SGPL1: variants seen among roughly 807,000 people sequenced by gnomAD.
The protein encoded by SGPL1 is sphingosine-1-phosphate lyase 1, also known as SP-lyase 1.
A neutral mutation model predicts 68.9 loss-of-function variants in SGPL1; 37 were observed. That is an observed-to-expected ratio of 0.54 (90% CI 0.41 to 0.71). The LOEUF is 0.71. SGPL1 is among the 30% of genes least tolerant of loss of function. The pLI is 0.00. For synonymous variants in SGPL1, 236 were observed against 248.5 expected (o/e 0.95, Z 0.47); for missense variants, 551 against 704.6 (o/e 0.78, Z 2.47).
chr10:70,863,146 C>A (rs751219534), intron 7 of SGPL1, among the ~76,000 whole-genome samples: 1 of 152,014 alleles, frequency 6.6e-6, no homozygotes, highest in Non-Finnish European at 1.5e-5. Flanking sequence ...ACCACCATGC[C>A]TCGCTAATTT....
At chr10:70,837,823 G>A (rs1441003944) in intron 2 of SGPL1, among the ~76,000 whole-genome samples, 6 of 152,154 alleles carry the variant, frequency 3.9e-5, no homozygotes, top group South Asian at 2.1e-4. Context: ...TATTTGGCTC[G>A]TGGTTCTAGA....
At position 70,859,388 on chromosome 10, in the gene SGPL1, A is replaced by G. The variant is rs114726986; in HGVS notation, c.504A>G (p.Ala168=). ...TTTTGCAGGCTTATGGAGATTTTGC[A>G]TGGAGTAACCCCCTGCATCCAGATA... ...ELLVKAYGDF[A]WSNPLHPDIF... is the part of the protein sequence containing the mutation. The change falls in exon 7 of 15, where the codon GCA becomes GCG. Residue 168 remains alanine, a synonymous_variant. Transcript: ENST00000373202. 7.0e-5 allele frequency: 107 copies of G among 1,521,616 alleles called. No individual in the cohort carries two copies. The South Asian group carries it at 8.7e-4, about 12-fold the overall frequency. 94.3% of individuals were successfully genotyped at this position (1,521,616 alleles called of 1,614,324 possible).
At chr10:70,816,412 G>T (rs1845229000) in intron 1 of SGPL1, among the ~76,000 whole-genome samples, 1 of 152,126 alleles carries the variant, frequency 6.6e-6, no homozygotes, top group Non-Finnish European at 1.5e-5. Context: ...GACGGGAGGG[G>T]TGACAACGAG....
chr10:70,862,588 C>T (rs1005606983), intron 7 of SGPL1, among the ~76,000 whole-genome samples: 1 of 152,154 alleles, frequency 6.6e-6, no homozygotes, highest in Admixed American at 6.5e-5. Flanking sequence ...GTCCACGCTG[C>T]TTTTATGAGC....
chr10:70,864,209 C>A (rs1429807159), intron 7 of SGPL1, among the ~76,000 whole-genome samples: 2 of 152,082 alleles, frequency 1.3e-5, no homozygotes, highest in African/African-American at 4.8e-5. Context: ...TTGAAAGCCC[C>A]TTTCTCCCTG....
chr10:70,817,750 G>A (rs1267214078), intron 2 of SGPL1, among the ~76,000 whole-genome samples: 6 of 152,154 alleles, frequency 3.9e-5, no homozygotes, highest in African/African-American at 1.4e-4. Flanking sequence ...ATGGTTCCTC[G>A]ACAGGCAGAT....
At chr10:70,827,360 C>T (rs1845455398) in intron 2 of SGPL1, among the ~76,000 whole-genome samples, 4 of 152,180 alleles carry the variant, frequency 2.6e-5, no homozygotes, top group Admixed American at 1.3e-4. Context: ...AGTTATTTCT[C>T]CTTTTTAGTT....
At chr10:70,838,277 G>C (rs745323491) in intron 2 of SGPL1, among the ~76,000 whole-genome samples, 27 of 152,176 alleles carry the variant, frequency 1.8e-4, no homozygotes, top group Admixed American at 3.9e-4. Context: ...GAAGTAATTT[G>C]ATAAGGAAAA....
At chr10:70,818,721 G>C (rs1414832573) in intron 2 of SGPL1, among the ~76,000 whole-genome samples, 2 of 152,104 alleles carry the variant, frequency 1.3e-5, no homozygotes, top group African/African-American at 4.8e-5. Flanking sequence ...TGAATACTTA[G>C]GTTATCCGCA....
intron 8 of SGPL1, among the ~76,000 whole-genome samples, chr10:70,868,826 T>A (rs1846240971): frequency 6.6e-6 from 1 of 152,214 alleles, no homozygotes; most frequent in Admixed American, 6.5e-5. Flanking sequence ...TACTTAATAT[T>A]ATAGGCTGCC....
chr10:70,876,124 G>C (rs2131951803), intron 13 of SGPL1, among the ~76,000 whole-genome samples: 1 of 152,214 alleles, frequency 6.6e-6, no homozygotes, highest in Admixed American at 6.5e-5. Context: ...AATTCCTCCA[G>C]GGCGAGGTAG....
rs1131692252 is a variant in SGPL1, at chr10:70,877,258, GTCT to G, written c.1635_1637del (p.Phe545del). 6.2e-7 allele frequency: 1 copy of G among 1,614,062 alleles called. No individual in the cohort carries two copies. The highest frequency in any genetic ancestry group is 1.3e-5 in the African/African-American group (1 of 75,060). ...GAATATGGTTGCAGAATTGTCCTCA[GTCT>G]TCTTGGACAGCTTGTACAGCACCGA... On this transcript the variant is annotated inframe_deletion, in exon 15 of 15. Coordinates refer to ENST00000373202, the MANE Select transcript of SGPL1 (RefSeq NM_003901.4).
At chr10:70,854,170 CTTT>C (rs542755242) in intron 4 of SGPL1, among the ~76,000 whole-genome samples, 10 of 138,608 alleles carry the variant, frequency 7.2e-5, no homozygotes, top group Admixed American at 7.3e-5. Context: ...TTGGGTGCAA[CTTT>C]TTTTTTTTTT....
Position 70,880,261 on chromosome 10 carries a change from G to C in SGPL1, c.*2926G>C, listed in dbSNP as rs1163432731. On this transcript the variant is annotated 3_prime_UTR_variant, in exon 15 of 15. Coordinates refer to ENST00000373202, the MANE Select transcript of SGPL1 (RefSeq NM_003901.4). ...CCCACTGATACCAAGACCAATGAAA[G>C]AGACACAGTTAAGCAGCAATCCATC... 1.3e-5 allele frequency: 2 copies of C among 152,240 alleles called. No homozygotes were observed. Among genetic ancestry groups the C allele is most frequent in the Non-Finnish European group, 2.9e-5 (2 of 68,040 alleles). 9.4% of individuals were successfully genotyped at this position (152,240 alleles called of 1,614,324 possible). A position where few individuals can be genotyped will look rare whatever the true frequency, so the allele number is the denominator to read the frequency against.
At chr10:70,835,649 T>C (rs1845615306) in intron 2 of SGPL1, among the ~76,000 whole-genome samples, 1 of 148,138 alleles carries the variant, frequency 6.8e-6, no homozygotes, top group African/African-American at 2.5e-5. Context: ...GGCAGGAGAA[T>C]GGCTTGAACC....
intron 2 of SGPL1, 34 bp from the exon 3 acceptor site, chr10:70,844,439 A>G (rs576214957): frequency 1.3e-6 from 2 of 1,592,910 alleles, no homozygotes; most frequent in East Asian, 2.2e-5. Flanking sequence ...CTCTCTCTAA[A>G]TGTAATGTTT....
chr10:70,820,954 A>G (rs1307331988), intron 2 of SGPL1, among the ~76,000 whole-genome samples: 2 of 152,196 alleles, frequency 1.3e-5, no homozygotes, highest in East Asian at 3.9e-4. Context: ...GTTGAAGACT[A>G]CTTGTGTGGA....
At chr10:70,866,324 T>G (rs1454046814) in intron 7 of SGPL1, 1 of 151,778 alleles carries the variant, frequency 6.6e-6, no homozygotes, top group African/African-American at 2.4e-5. Flanking sequence ...GAGGTGGAGA[T>G]TGCAGTGAGC....
intron 3 of SGPL1, among the ~76,000 whole-genome samples, chr10:70,845,403 G>C (rs906627130): frequency 6.6e-6 from 1 of 152,120 alleles, no homozygotes; most frequent in African/African-American, 2.4e-5. Flanking sequence ...CTGCCATCAG[G>C]CTGTGGGGAT....
Sources: gnomAD v4.1 joint callset for allele counts (sites outside exome capture counted in the v4.1 genomes callset) on GRCh38, gnomAD v4.1.1 for gene constraint, MANE v1.5 for transcripts, NCBI Gene and HGNC (gene_info 2026-07-23, HGNC 2026-07-21) for gene names.